The following ACBD3 variants were observed in gnomAD, a reference collection of about 807,000 sequenced individuals.
The protein encoded by ACBD3 is Golgi resident protein GCP60.
ACBD3 carries 30 observed loss-of-function variants against 66.9 expected under a neutral mutation model. The observed-to-expected ratio is 0.45, with a 90% CI of 0.34 to 0.61. The LOEUF is 0.61. Ranked by LOEUF, ACBD3 falls within the 20% of genes least tolerant of loss-of-function variation. The pLI, the probability that ACBD3 is intolerant of heterozygous loss-of-function variation, is 0.02. For missense variants in ACBD3, 544 were observed against 664.5 expected (o/e 0.82, Z 1.99); for synonymous variants, 278 against 259.8 (o/e 1.07, Z -0.68).
intron 1 of ACBD3, among the ~76,000 whole-genome samples, chr1:226,169,680 C>G (rs9286997): frequency 0.5 from 71,408 of 143,390 alleles, 18,126 homozygotes; most frequent in African/African-American, 0.62. Flanking sequence ...AAAGTGCTAG[C>G]ATTACAGGCG....
chr1:226,179,011 A>C lies in ACBD3; in HGVS notation c.286+7379T>G, dbSNP rs1314436007. Among the ~76,000 whole-genome samples the C allele has an allele frequency of 2.0e-5, 3 of 152,292 alleles. No individual in the cohort carries two copies. The East Asian group carries it at 5.8e-4, about 29-fold the overall frequency. ...AATTAGACCTCAAGAAAGTCACAAA[A>C]TATGTATTGTGTTTGCCCTGAGTTC... On this transcript the variant is annotated intron_variant, in intron 1 of 7. Coordinates refer to ENST00000366812, the MANE Select transcript of ACBD3 (RefSeq NM_022735.4).
rs1400367513 is a variant in ACBD3 at position 226,184,656 on chromosome 1, C to A, written c.286+1734G>T. 2.0e-5 allele frequency among the ~76,000 whole-genome samples: 3 copies of A among 152,136 alleles called. No individual in the cohort carries two copies. In the East Asian group the frequency reaches 5.8e-4, roughly 29 times the overall value. On this transcript the variant is annotated intron_variant, in intron 1 of 7. Coordinates refer to ENST00000366812, the MANE Select transcript of ACBD3 (RefSeq NM_022735.4). ...GTAACTAGAATCCAGAGCTTCCTGA[C>A]TCTCCAAACAATGTTAAGTATACTA...
intron 5 of ACBD3, among the ~76,000 whole-genome samples, chr1:226,157,317 G>A (rs561089416): frequency 1.3e-5 from 2 of 150,286 alleles, no homozygotes; most frequent in African/African-American, 4.9e-5. Flanking sequence ...TTGGCTCACC[G>A]AAACCTCCCC....
chr1:226,186,539 C>G lies in ACBD3; in HGVS notation c.137G>C (p.Gly46Ala), dbSNP rs1214052688. ...TGAGGCGCCCGGGCCGCGACCGGAT[C>G]CAGGTGGCGAGGGCGGTGGCAGCGG... Reference protein sequence around the residue: ...PPPLPPPSPPGSGRGPGASGE... With the variant: ...PPPLPPPSPPASGRGPGASGE... The change falls in exon 1 of 8, where the codon GGA becomes GCA. Residue 46 changes from glycine (G) to alanine (A), a missense_variant. By Grantham distance (60) the Gly-to-Ala change is moderately conservative. Around this residue, in one of 3 missense-constraint regions of ACBD3, gnomAD observed 137 missense variants for 145.9 expected, o/e 0.94. Transcript: ENST00000366812. 4 of 1,376,580 alleles carry G rather than the reference C, an allele frequency of 2.9e-6. No homozygotes were observed. The South Asian group carries it at 6.9e-5, about 24-fold the overall frequency. The allele number at this position is 1,376,580 out of a possible 1,614,324, so 85.3% of individuals were successfully genotyped here.
At position 226,146,029 on chromosome 1, in the gene ACBD3, T is replaced by C. The variant is rs1256541429; in HGVS notation, c.*581A>G. On this transcript the variant is annotated 3_prime_UTR_variant, in exon 8 of 8. Coordinates refer to ENST00000366812, the MANE Select transcript of ACBD3 (RefSeq NM_022735.4). ...AAGATTATCTCAGAAAATAATTCTC[T>C]GTAATATAACTCTGAACTAAACAGC... 6.5e-6 allele frequency: 1 copy of C among 152,768 alleles called. No individual in the cohort carries two copies. Among genetic ancestry groups the C allele is most frequent in the East Asian group, 1.9e-4 (1 of 5,206 alleles). 9.5% of individuals were successfully genotyped at this position (152,768 alleles called of 1,614,324 possible).
chr1:226,170,151 C>T (rs1271171771), intron 1 of ACBD3, among the ~76,000 whole-genome samples: 1 of 136,772 alleles, frequency 7.3e-6, no homozygotes, highest in Non-Finnish European at 1.5e-5. Flanking sequence ...TTTTCCTTTC[C>T]TTTTTTTTTT....
At chr1:226,173,631 T>C (rs967766789) in intron 1 of ACBD3, among the ~76,000 whole-genome samples, 2 of 152,050 alleles carry the variant, frequency 1.3e-5, no homozygotes, top group Non-Finnish European at 2.9e-5. Flanking sequence ...TATATTGCTA[T>C]GCAGACTATT....
Position 226,161,581 on chromosome 1 carries a change from T to C in ACBD3, c.678A>G (p.Glu226=), listed in dbSNP as rs1384491260. The change falls in exon 4 of 8, where the codon GAA becomes GAG. Residue 226 remains glutamate, a synonymous_variant. Coordinates refer to ENST00000366812, the MANE Select transcript of ACBD3 (RefSeq NM_022735.4). ...CTTCTTCTATCCGTCTCCTTTCCTC[T>C]TCCTCCCGTCGAAGCCTTTCCTCTT... ...REEEERLRRE[E]EERRRIEEER... is the part of the protein sequence containing the mutation. The C allele has an allele frequency of 4.3e-6, 7 of 1,614,164 alleles. No individual in the cohort carries two copies. The Admixed American group carries it at 8.3e-5, about 19-fold the overall frequency.
chr1:226,146,790 C>T lies in ACBD3; in HGVS notation c.1407G>A (p.Lys469=). 6.2e-7 allele frequency: 1 copy of T among 1,614,130 alleles called. No homozygotes were observed. The highest frequency in any genetic ancestry group is 1.3e-5 in the African/African-American group (1 of 75,040). The part of the protein sequence containing the change: ...ENIGCEEKAK[K]NANKPLLDEI... ...CATCCAGCAAAGGCTTGTTGGCATT[C>T]TTTTTGGCTTTCTCTTCACAACCGA... Residue 469 remains lysine, a synonymous_variant, in exon 8 of 8, where the codon AAG becomes AAA. Transcript: ENST00000366812.
chr1:226,183,501 T>C (rs1031993115), intron 1 of ACBD3, among the ~76,000 whole-genome samples: 2 of 152,158 alleles, frequency 1.3e-5, no homozygotes, highest in Non-Finnish European at 2.9e-5. Flanking sequence ...ATGTTATTTC[T>C]AATTCTCGTG....
At chr1:226,183,262 G>A (rs537292252) in intron 1 of ACBD3, among the ~76,000 whole-genome samples, 19 of 152,246 alleles carry the variant, frequency 1.2e-4, no homozygotes, top group African/African-American at 3.9e-4. Context: ...TGCAAGCTCC[G>A]CCTTGAGGGT....
rs770590963 is a variant in ACBD3 at position 226,146,777 on chromosome 1, G to T, written c.1420C>A (p.Pro474Thr). Residue 474 changes from proline (P) to threonine (T), a missense_variant, in exon 8 of 8, where the codon CCT (proline) becomes ACT (threonine). Physicochemically the swap from Pro to Thr is conservative, Grantham distance 38. Transcript: ENST00000366812. ...EEKAKKNANK[P>T]LLDEIVPVYR... is the part of the protein sequence containing the mutation. ...ACAGGCACAATCTCATCCAGCAAAG[G>T]CTTGTTGGCATTCTTTTTGGCTTTC... The T allele has an allele frequency of 1.9e-6, 3 of 1,614,084 alleles. No homozygotes were observed. The highest frequency in any genetic ancestry group is 3.3e-5 in the Admixed American group (2 of 60,002).
chr1:226,182,330 T>C (rs536933475), intron 1 of ACBD3, among the ~76,000 whole-genome samples: 1 of 152,160 alleles, frequency 6.6e-6, no homozygotes, highest in South Asian at 2.1e-4. Context: ...TATTAATACT[T>C]ACATGGCCAG....
chr1:226,185,500 A>T (rs1352039687), intron 1 of ACBD3, among the ~76,000 whole-genome samples: 2 of 152,108 alleles, frequency 1.3e-5, no homozygotes, highest in East Asian at 3.9e-4. Flanking sequence ...CTCCCTGTCC[A>T]TTCGCCCTAC....
intron 3 of ACBD3, among the ~76,000 whole-genome samples, chr1:226,161,992 T>C (rs925435984): frequency 6.6e-6 from 1 of 152,198 alleles, no homozygotes; most frequent in African/African-American, 2.4e-5. Flanking sequence ...CTCACAGCAC[T>C]AAAAGCTTTT....
chr1:226,152,771 C>T, intron 6 of ACBD3, 152 bp from the exon 7 acceptor site: 1 of 727,674 alleles, frequency 1.4e-6, no homozygotes. Context: ...AAAAAAGCCT[C>T]CCCATGGGAG....
chr1:226,180,110 G>T lies in ACBD3; in HGVS notation c.286+6280C>A, dbSNP rs183271901. On this transcript the variant is annotated intron_variant, in intron 1 of 7. Transcript: ENST00000366812. ...AGTCTGAACCTAGGAGGCGGAGGTTGCAGTAAGCCAAGACTGGGCCATTCC... is the reference window on the plus strand; with the variant it reads ...AGTCTGAACCTAGGAGGCGGAGGTTTCAGTAAGCCAAGACTGGGCCATTCC... Among the ~76,000 whole-genome samples, 20 of 150,162 alleles carry T rather than the reference G, an allele frequency of 1.3e-4. No individual in the cohort carries two copies. In the East Asian group the frequency reaches 3.9e-3, roughly 29 times the overall value.
chr1:226,175,316 A>C (rs944308647), intron 1 of ACBD3, among the ~76,000 whole-genome samples: 1 of 152,156 alleles, frequency 6.6e-6, no homozygotes, highest in Non-Finnish European at 1.5e-5. Context: ...GAATAAATAA[A>C]AACAACAACA....
At chr1:226,150,889 T>C (rs556797963) in intron 7 of ACBD3, among the ~76,000 whole-genome samples, 3 of 152,368 alleles carry the variant, frequency 2.0e-5, no homozygotes, top group African/African-American at 7.2e-5. Context: ...TAAAAGTCAA[T>C]CTGCAAGATG....
Sources: allele counts gnomAD v4.1 joint callset (sites outside exome capture counted in the v4.1 genomes callset), GRCh38; gene constraint gnomAD v4.1.1; regional missense constraint gnomAD v4.1.1; transcripts MANE v1.5; gene names NCBI Gene and HGNC (gene_info 2026-07-23, HGNC 2026-07-21).